The following ERBB4 variants were observed in gnomAD, a reference collection of about 807,000 sequenced individuals.
ERBB4 encodes the protein receptor tyrosine-protein kinase erbB-4.
In ERBB4, 42 loss-of-function variants were observed where a neutral mutation model predicts 158.0. The ratio of observed to expected loss-of-function variants is 0.27; its 90% CI spans 0.21 to 0.34. ERBB4 has a LOEUF of 0.34. Ranked by LOEUF, ERBB4 falls within the 10% of genes least tolerant of loss-of-function variation. ERBB4 has a pLI of 1.00. For synonymous variants in ERBB4, 583 were observed against 558.7 expected (o/e 1.04, Z -0.61); for missense variants, 1,333 against 1,624.1 (o/e 0.82, Z 3.08).
chr2:211,651,528 A>T (rs2070981859), intron 16 of ERBB4, among the ~76,000 whole-genome samples: 1 of 152,172 alleles, frequency 6.6e-6, no homozygotes, highest in African/African-American at 2.4e-5. Flanking sequence ...TGCAGATGTA[A>T]TTAAGGTCCC....
intron 2 of ERBB4, among the ~76,000 whole-genome samples, chr2:211,972,955 C>T (rs1242720660): frequency 2.6e-5 from 4 of 152,082 alleles, no homozygotes; most frequent in Non-Finnish European, 4.4e-5. Context: ...AAACTATCAA[C>T]AGAGTAAACC....
intron 1 of ERBB4, among the ~76,000 whole-genome samples, chr2:212,412,822 A>C (rs957321773): frequency 3.9e-5 from 6 of 152,258 alleles, no homozygotes; most frequent in Non-Finnish European, 8.8e-5. Flanking sequence ...GCATTTGTGT[A>C]CAATGTTAGC....
chr2:212,065,364 T>C (rs951418777), intron 2 of ERBB4, among the ~76,000 whole-genome samples: 6 of 151,982 alleles, frequency 3.9e-5, no homozygotes, highest in Admixed American at 3.3e-4. Flanking sequence ...CAAAATTGCC[T>C]ACAAAAAGAG....
At chr2:211,487,097 T>C (rs2065225517) in intron 20 of ERBB4, among the ~76,000 whole-genome samples, 3 of 151,190 alleles carry the variant, frequency 2.0e-5, no homozygotes, top group Non-Finnish European at 4.4e-5. Context: ...GCTGCACCCA[T>C]TAACTCGTCA....
intron 1 of ERBB4, among the ~76,000 whole-genome samples, chr2:212,216,954 C>G (rs1189892645): frequency 1.3e-5 from 2 of 151,396 alleles, no homozygotes; most frequent in East Asian, 1.9e-4. Context: ...AATTTCCCCA[C>G]TTCATTTTTA....
chr2:211,826,785 G>T (rs2105957935), intron 3 of ERBB4, among the ~76,000 whole-genome samples: 1 of 152,036 alleles, frequency 6.6e-6, no homozygotes, highest in African/African-American at 2.4e-5. Context: ...CCACATACAA[G>T]ACACATTCAT....
At chr2:211,415,306 A>T (rs1313489476) in intron 25 of ERBB4, among the ~76,000 whole-genome samples, 11 of 151,186 alleles carry the variant, frequency 7.3e-5, no homozygotes, top group Admixed American at 7.2e-4. Context: ...TTTTTAGTAG[A>T]GGCGGGGTTT....
At chr2:212,136,495 G>T (rs1435944873) in intron 1 of ERBB4, among the ~76,000 whole-genome samples, 1 of 152,138 alleles carries the variant, frequency 6.6e-6, no homozygotes, top group African/African-American at 2.4e-5. Context: ...CCAACCCAGG[G>T]CTACTCTTGG....
chr2:212,419,461 T>C, intron 1 of ERBB4, among the ~76,000 whole-genome samples: 1 of 151,876 alleles, frequency 6.6e-6, no homozygotes, highest in East Asian at 1.9e-4. Flanking sequence ...AGAGAGGGAT[T>C]TGACTTTGAA....
intron 1 of ERBB4, among the ~76,000 whole-genome samples, chr2:212,158,582 A>T (rs1213666028): frequency 1.3e-5 from 2 of 151,960 alleles, no homozygotes; most frequent in Non-Finnish European, 2.9e-5. Flanking sequence ...GGACCTCATT[A>T]TATTTTGTAC....
At chr2:211,998,418 C>A (rs1035518748) in intron 2 of ERBB4, among the ~76,000 whole-genome samples, 6 of 150,348 alleles carry the variant, frequency 4.0e-5, no homozygotes, top group African/African-American at 1.2e-4. Flanking sequence ...TATCACAGAT[C>A]TTTCTGAGAT....
chr2:212,083,798 T>G (rs1575609427), intron 2 of ERBB4, among the ~76,000 whole-genome samples: 1 of 151,746 alleles, frequency 6.6e-6, no homozygotes, highest in Admixed American at 6.6e-5. Context: ...CAGAAGGGAG[T>G]TTAGAAATGA....
chr2:211,925,057 C>A (rs1216689595), intron 3 of ERBB4, among the ~76,000 whole-genome samples: 1 of 152,098 alleles, frequency 6.6e-6, no homozygotes, highest in East Asian at 1.9e-4. Flanking sequence ...GAAGCATTTC[C>A]TTTTCATCAC....
At chr2:211,948,717 A>T (rs1044063598) in intron 2 of ERBB4, among the ~76,000 whole-genome samples, 25 of 152,132 alleles carry the variant, frequency 1.6e-4, no homozygotes, top group Non-Finnish European at 1.0e-4. Flanking sequence ...TTTTAATACC[A>T]ATTTCATGTT....
At chr2:211,703,969 A>G in intron 11 of ERBB4, 135 bp downstream of exon 11, 1 of 721,934 alleles carries the variant, frequency 1.4e-6, no homozygotes. Context: ...TATTGAGCTT[A>G]TCTTTGGAAA....
chr2:212,148,243 T>C (rs1035444247), intron 1 of ERBB4, among the ~76,000 whole-genome samples: 1 of 152,098 alleles, frequency 6.6e-6, no homozygotes, highest in Non-Finnish European at 1.5e-5. Context: ...TACTTTTTTA[T>C]GCAATGAATA....
At chr2:211,772,749 G>T (rs1289003735) in intron 4 of ERBB4, among the ~76,000 whole-genome samples, 1 of 141,570 alleles carries the variant, frequency 7.1e-6, no homozygotes, top group Non-Finnish European at 1.5e-5. Flanking sequence ...GGACTTAAGT[G>T]ATCCTCCTAC....
intron 12 of ERBB4, among the ~76,000 whole-genome samples, chr2:211,680,209 T>C (rs2072277997): frequency 1.3e-5 from 2 of 152,222 alleles, no homozygotes; most frequent in African/African-American, 4.8e-5. Context: ...AATTTTTAAA[T>C]TTCCACTTAA....
intron 1 of ERBB4, among the ~76,000 whole-genome samples, chr2:212,496,044 A>G: frequency 6.6e-6 from 1 of 152,114 alleles, no homozygotes; most frequent in East Asian, 1.9e-4. Context: ...TCTTAGATAA[A>G]CCTTTGTATT....
Sources: allele counts gnomAD v4.1 joint callset (sites outside exome capture counted in the v4.1 genomes callset), GRCh38; gene constraint gnomAD v4.1.1; transcripts MANE v1.5; gene names NCBI Gene and HGNC (gene_info 2026-07-23, HGNC 2026-07-21).